ADGB: variants seen among roughly 807,000 people sequenced by gnomAD.
ADGB encodes calpain-7-like protein.
In ADGB, 172 loss-of-function variants were observed where a neutral mutation model predicts 210.5. The ratio of observed to expected loss-of-function variants is 0.82; its 90% CI spans 0.72 to 0.93. The LOEUF (loss-of-function observed/expected upper bound fraction) is 0.93, where lower values mean the gene tolerates loss of function less well. ADGB is among the 40% of genes least tolerant of loss of function. The pLI is 0.00. For synonymous variants in ADGB, 658 were observed against 662.7 expected, an observed-to-expected ratio of 0.99 and a Z score of 0.11; for missense variants, 2,025 against 1,964.8, an observed-to-expected ratio of 1.03 and a Z score of -0.58.
intron 33 of ADGB, among the ~76,000 whole-genome samples, chr6:146,796,508 T>C (rs1778045009): frequency 6.6e-6 from 1 of 152,040 alleles, no homozygotes; most frequent in Non-Finnish European, 1.5e-5. Flanking sequence ...GGTACTTTCA[T>C]GGAAACAGAC....
At chr6:146,659,199 T>A (rs1445766035) in intron 5 of ADGB, among the ~76,000 whole-genome samples, 2 of 152,202 alleles carry the variant, frequency 1.3e-5, no homozygotes, top group African/African-American at 2.4e-5. Flanking sequence ...TCTCTTCCAA[T>A]TCTAGTTGAG....
At chr6:146,660,764 A>G (rs1775843922) in intron 5 of ADGB, among the ~76,000 whole-genome samples, 1 of 152,134 alleles carries the variant, frequency 6.6e-6, no homozygotes, top group African/African-American at 2.4e-5. Flanking sequence ...TTTCTACCAT[A>G]TGGAGTTATT....
At chr6:146,643,752 A>C (rs1775555074) in intron 2 of ADGB, among the ~76,000 whole-genome samples, 1 of 151,922 alleles carries the variant, frequency 6.6e-6, no homozygotes, top group South Asian at 2.1e-4. Context: ...TCCTGGAAAC[A>C]GCCCACATGT....
At chr6:146,690,182 G>A (rs1033344993) in intron 10 of ADGB, among the ~76,000 whole-genome samples, 14 of 152,132 alleles carry the variant, frequency 9.2e-5, no homozygotes, top group African/African-American at 2.7e-4. Context: ...GTGAGAGCAA[G>A]GCAGTTTCCA....
chr6:146,665,350 C>A (rs970604825), intron 6 of ADGB, among the ~76,000 whole-genome samples: 2 of 152,084 alleles, frequency 1.3e-5, no homozygotes, highest in Non-Finnish European at 2.9e-5. Flanking sequence ...TCCTTACCAG[C>A]CCTCAGTTTT....
At chr6:146,605,552 T>C (rs936315479) in intron 1 of ADGB, among the ~76,000 whole-genome samples, 2 of 152,128 alleles carry the variant, frequency 1.3e-5, no homozygotes, top group African/African-American at 4.8e-5. Flanking sequence ...TAAATGCATG[T>C]GTAATTTAAT....
intron 6 of ADGB, 130 bp downstream of exon 6, chr6:146,664,470 C>T (rs1775911785): frequency 1.1e-6 from 1 of 942,948 alleles, no homozygotes; most frequent in Non-Finnish European, 1.5e-6. Context: ...CAATGTAATG[C>T]TCTAGTATAA....
chr6:146,664,230 C>T lies in ADGB; in HGVS notation c.642C>T (p.Asp214=). The change falls in exon 6 of 36, where the codon GAC becomes GAT. Residue 214 remains aspartate, a synonymous_variant. Transcript: ENST00000397944. The part of the protein sequence containing the change: ...MGCWRKITID[D]FLPFDEDNNL... ...GCTGGAGAAAGATAACAATTGATGA[C>T]TTTTTGCCTTTTGATGAAGATAACA... 1 of 1,548,048 alleles carries T rather than the reference C, an allele frequency of 6.5e-7. No individual in the cohort carries two copies. Among genetic ancestry groups the T allele is most frequent in the Non-Finnish European group, 8.7e-7 (1 of 1,145,176 alleles).
chr6:146,638,375 C>T (rs1315880944), intron 2 of ADGB, among the ~76,000 whole-genome samples: 1 of 151,782 alleles, frequency 6.6e-6, no homozygotes, highest in Non-Finnish European at 1.5e-5. Context: ...CAATGATAGA[C>T]TGGATTAAGA....
intron 35 of ADGB, chr6:146,802,782 T>C (rs566957458): frequency 3.2e-5 from 51 of 1,603,852 alleles, no homozygotes; most frequent in South Asian, 4.4e-5. Context: ...TCCTCTTTAG[T>C]AGATGAAATC....
chr6:146,672,169 G>C, intron 7 of ADGB, 51 bp from the exon 8 acceptor site: 1 of 1,447,460 alleles, frequency 6.9e-7, no homozygotes, highest in Non-Finnish European at 9.1e-7. Context: ...CGAAGTTCAA[G>C]GAAAAAAAAA....
chr6:146,803,123 A>ATGTGG, intron 35 of ADGB: 1 of 1,484,130 alleles, frequency 6.7e-7, no homozygotes, highest in Non-Finnish European at 9.4e-7. Context: ...CAGGAAGGCA[A>ATGTGG]TCTACCACAA....
intron 9 of ADGB, among the ~76,000 whole-genome samples, chr6:146,679,321 T>C (rs1015650522): frequency 1.3e-5 from 2 of 152,194 alleles, no homozygotes; most frequent in African/African-American, 4.8e-5. Context: ...CCAGTCTAAA[T>C]TATTATCTAG....
chr6:146,631,786 A>G (rs971415376), intron 1 of ADGB, among the ~76,000 whole-genome samples: 1 of 152,020 alleles, frequency 6.6e-6, no homozygotes, highest in Non-Finnish European at 1.5e-5. Context: ...AGCAATATGA[A>G]ATGATGCAGA....
chr6:146,812,350 G>T (rs777454174), intron 35 of ADGB, among the ~76,000 whole-genome samples: 140 of 152,044 alleles, frequency 9.2e-4, no homozygotes, highest in Middle Eastern at 3.4e-3. Context: ...AGCTTGAGGG[G>T]GTGCCCAAAA....
At chr6:146,666,620 C>A (rs1305441459) in intron 6 of ADGB, among the ~76,000 whole-genome samples, 196 bp from the exon 7 acceptor site, 1 of 151,784 alleles carries the variant, frequency 6.6e-6, no homozygotes, top group Non-Finnish European at 1.5e-5. Flanking sequence ...CTTGCAAATA[C>A]AAATGAAATT....
chr6:146,615,887 T>C (rs1780792046), intron 1 of ADGB, among the ~76,000 whole-genome samples: 1 of 152,222 alleles, frequency 6.6e-6, no homozygotes. Flanking sequence ...AGTGCATATA[T>C]CTTTTTGATA....
Position 146,692,920 on chromosome 6 carries a change from G to A in ADGB, c.1577+5G>A, listed in dbSNP as rs1249370714. The A allele has an allele frequency of 1.4e-6, 2 of 1,408,540 alleles. No homozygotes were observed. Among genetic ancestry groups the A allele is most frequent in the Admixed American group, 4.2e-5 (2 of 47,158 alleles). The allele number at this position is 1,408,540 out of a possible 1,614,324, so 87.3% of individuals were successfully genotyped here. A position where few individuals can be genotyped will look rare whatever the true frequency, so the allele number is the denominator to read the frequency against. ...ATTTACAATTCCAACAGAAATGTAA[G>A]TATTAACATTCTTCCTCACAAATGT... On this transcript the variant is annotated splice_donor_5th_base_variant and intron_variant, in intron 12 of 35. Transcript: ENST00000397944.
At chr6:146,794,736 G>A (rs925045311) in intron 33 of ADGB, among the ~76,000 whole-genome samples, 2 of 152,032 alleles carry the variant, frequency 1.3e-5, no homozygotes, top group African/African-American at 4.8e-5. Context: ...TTATTAAAAT[G>A]TTTCAGAAAC....
Sources: allele counts gnomAD v4.1 joint callset (sites outside exome capture counted in the v4.1 genomes callset), GRCh38; gene constraint gnomAD v4.1.1; transcripts MANE v1.5; gene names NCBI Gene and HGNC (gene_info 2026-07-23, HGNC 2026-07-21).